Variants in LIMA1 observed in about 807,000 individuals in gnomAD.
LIMA1 encodes the protein LIM domain and actin-binding protein 1.
A neutral mutation model predicts 62.6 loss-of-function variants in LIMA1; 52 were observed. That is an observed-to-expected ratio of 0.83 (90% CI 0.67 to 1.05). The LOEUF (loss-of-function observed/expected upper bound fraction) is 1.05, where lower values mean the gene tolerates loss of function less well. LIMA1 is among the 50% of genes least tolerant of loss of function. The pLI is 0.00. For synonymous variants in LIMA1, 302 were observed against 317.8 expected (o/e 0.95, Z 0.53); for missense variants, 780 against 902.2 (o/e 0.86, Z 1.74).
At chr12:50,208,520 T>C (rs1218452282) in intron 4 of LIMA1, among the ~76,000 whole-genome samples, 7 of 151,946 alleles carry the variant, frequency 4.6e-5, no homozygotes, top group Non-Finnish European at 7.4e-5. Flanking sequence ...CATTATGGCA[T>C]GCGCCTGTAG....
At chr12:50,231,149 G>A (rs551355868) in intron 3 of LIMA1, among the ~76,000 whole-genome samples, 1 of 152,184 alleles carries the variant, frequency 6.6e-6, no homozygotes, top group African/African-American at 2.4e-5. Context: ...TAGCAAGCAC[G>A]GAGACTAGAG....
At chr12:50,227,443 T>C (rs1941548265) in intron 3 of LIMA1, among the ~76,000 whole-genome samples, 1 of 152,096 alleles carries the variant, frequency 6.6e-6, no homozygotes, top group African/African-American at 2.4e-5. Flanking sequence ...TTTCACCATG[T>C]TGGCTAAGCT....
intron 2 of LIMA1, among the ~76,000 whole-genome samples, chr12:50,239,466 C>T (rs1941741888): frequency 6.6e-6 from 1 of 151,872 alleles, no homozygotes; most frequent in Non-Finnish European, 1.5e-5. Flanking sequence ...GGAGAAACCT[C>T]GTCTCTATTA....
intron 1 of LIMA1, among the ~76,000 whole-genome samples, chr12:50,255,195 G>C (rs1941979700): frequency 6.6e-6 from 1 of 151,810 alleles, no homozygotes; most frequent in Admixed American, 6.6e-5. Context: ...ACTTATTCAA[G>C]CTGTATGGCT....
At chr12:50,248,854 G>T in intron 1 of LIMA1, 80 bp from the exon 2 acceptor site, 1 of 749,384 alleles carries the variant, frequency 1.3e-6, no homozygotes. Flanking sequence ...GTGTGGTAGA[G>T]CCCTAAACTT....
At chr12:50,202,954 C>CTATGTGTG (rs1331360742) in intron 6 of LIMA1, among the ~76,000 whole-genome samples, 3 of 149,758 alleles carry the variant, frequency 2.0e-5, no homozygotes, top group African/African-American at 7.4e-5. Flanking sequence ...ACATTTGTAT[C>CTATGTGTG]TATGTGTGTG....
rs1001889399 is a variant in LIMA1, at chr12:50,283,496, C to T, written c.-100G>A. ...CCGGCGCTCTACCTAGCGCACCTGT[C>T]GCGACCAAGCTGCTAACACCTACTG... On this transcript the variant is annotated 5_prime_UTR_variant, in exon 1 of 11. Transcript: ENST00000341247. The T allele has an allele frequency of 6.6e-6, 1 of 152,250 alleles. No individual in the cohort carries two copies. The highest frequency in any genetic ancestry group is 2.4e-5 in the African/African-American group (1 of 41,464). The allele number at this position is 152,250 out of a possible 1,614,324, so 9.4% of individuals were successfully genotyped here.
At chr12:50,244,464 C>G (rs12302910) in intron 2 of LIMA1, among the ~76,000 whole-genome samples, 1,772 of 152,212 alleles carry the variant, frequency 0.012, 45 homozygotes, top group African/African-American at 0.041. Context: ...GTCTTGAACT[C>G]CTGACCTCAA....
chr12:50,281,108 A>C (rs1277257994), intron 1 of LIMA1, among the ~76,000 whole-genome samples: 1 of 152,186 alleles, frequency 6.6e-6, no homozygotes, highest in Non-Finnish European at 1.5e-5. Flanking sequence ...TAGGTGCCCT[A>C]TTATGCCAAA....
intron 3 of LIMA1, among the ~76,000 whole-genome samples, chr12:50,223,034 C>T (rs563333437): frequency 6.6e-6 from 1 of 152,058 alleles, no homozygotes. Context: ...TTTGTAGAAC[C>T]CTGGAGAAGT....
rs1014732368 is a variant in LIMA1, at chr12:50,177,446, C to T, written c.1898G>A (p.Arg633Lys). Residue 633 changes from arginine (R) to lysine (K), a missense_variant, in exon 11 of 11, where the codon AGG becomes AAG. Arg to Lys is a conservative substitution (Grantham distance 26). Coordinates refer to ENST00000341247, the MANE Select transcript of LIMA1 (RefSeq NM_016357.5). ...AGCCTTGGCATTTTCCACTTGTTTC[C>T]TTTCTGCAACTCTTCCACCCACAGA... Reference protein sequence around the residue: ...EESVGGRVAERKQVENAKASK... With the variant: ...EESVGGRVAEKKQVENAKASK... The T allele has an allele frequency of 6.2e-7, 1 of 1,613,974 alleles. No homozygotes were observed. Among genetic ancestry groups the T allele is most frequent in the African/African-American group, 1.3e-5 (1 of 74,892 alleles).
intron 1 of LIMA1, among the ~76,000 whole-genome samples, chr12:50,253,441 C>T (rs7953953): frequency 0.32 from 48,819 of 152,046 alleles, 8,120 homozygotes; most frequent in South Asian, 0.48. Flanking sequence ...GGGATTCAAA[C>T]GCATATTCTG....
At chr12:50,242,817 G>C (rs1207136117) in intron 2 of LIMA1, among the ~76,000 whole-genome samples, 1 of 152,144 alleles carries the variant, frequency 6.6e-6, no homozygotes, top group Non-Finnish European at 1.5e-5. Context: ...CTGGGATCTG[G>C]GACTGGGATC....
At chr12:50,251,048 A>G (rs560767170) in intron 1 of LIMA1, among the ~76,000 whole-genome samples, 1 of 152,264 alleles carries the variant, frequency 6.6e-6, no homozygotes, top group East Asian at 1.9e-4. Flanking sequence ...CATGATACCT[A>G]TTTGTCTATC....
chr12:50,177,161 T>A lies in LIMA1; in HGVS notation c.2183A>T (p.Asp728Val), dbSNP rs1030802100. ...CACTTCTCCCTCCCAGAGTTCCACATCCTGGGATTTCTGATTCTGAGTAGT... is the reference window on the plus strand; with the variant it reads ...CACTTCTCCCTCCCAGAGTTCCACAACCTGGGATTTCTGATTCTGAGTAGT... ...EFTTQNQKSQ[D>V]VELWEGEVVK... Residue 728 changes from aspartate (D) to valine (V), a missense_variant, in exon 11 of 11, where the codon GAT (aspartate) becomes GTT (valine). Physicochemically the swap from Asp to Val is radical, Grantham distance 152 (BLOSUM62 -3). Coordinates refer to ENST00000341247, the MANE Select transcript of LIMA1 (RefSeq NM_016357.5). 8 of 1,613,850 alleles carry A rather than the reference T, an allele frequency of 5.0e-6. No homozygotes were observed. The highest frequency in any genetic ancestry group is 6.8e-6 in the Non-Finnish European group (8 of 1,179,796).
intron 1 of LIMA1, among the ~76,000 whole-genome samples, chr12:50,278,962 C>T (rs543707015): frequency 6.6e-6 from 1 of 151,222 alleles, no homozygotes; most frequent in South Asian, 2.1e-4. Flanking sequence ...GTTATTTTGT[C>T]TTCTTTATAA....
At chr12:50,227,747 G>A (rs1941553347) in intron 3 of LIMA1, among the ~76,000 whole-genome samples, 1 of 152,048 alleles carries the variant, frequency 6.6e-6, no homozygotes, top group African/African-American at 2.4e-5. Context: ...GGTTGAGTCA[G>A]GCACTGCCTC....
At chr12:50,196,004 G>A (rs987465655) in intron 7 of LIMA1, 117 bp from the exon 8 acceptor site, 2 of 1,049,160 alleles carry the variant, frequency 1.9e-6, no homozygotes, top group African/African-American at 3.3e-5. Context: ...GTCACTGGCT[G>A]CCTAGGGGAA....
chr12:50,193,507 G>GTA (rs1253335896), intron 8 of LIMA1, among the ~76,000 whole-genome samples: 3 of 119,384 alleles, frequency 2.5e-5, no homozygotes, highest in East Asian at 2.4e-4. Context: ...TCATATATGT[G>GTA]TATATATGAT....
Sources: gnomAD v4.1 joint callset for allele counts (sites outside exome capture counted in the v4.1 genomes callset) on GRCh38, gnomAD v4.1.1 for gene constraint, MANE v1.5 for transcripts, NCBI Gene and HGNC (gene_info 2026-07-23, HGNC 2026-07-21) for gene names.